FBXO47: variants seen among roughly 807,000 people sequenced by gnomAD.
FBXO47 encodes the protein F-box protein 47.
FBXO47 carries 34 observed loss-of-function variants against 53.9 expected under a neutral mutation model. The ratio of observed to expected loss-of-function variants is 0.63; its 90% CI spans 0.48 to 0.84. The LOEUF is 0.84. Ranked by LOEUF, FBXO47 falls within the 40% of genes least tolerant of loss-of-function variation. The pLI, the probability that FBXO47 is intolerant of heterozygous loss-of-function variation, is 0.00. For synonymous variants in FBXO47, 165 were observed against 181.6 expected, an observed-to-expected ratio of 0.91 and a Z score of 0.73; for missense variants, 485 against 541.3, an observed-to-expected ratio of 0.90 and a Z score of 1.03.
intron 3 of FBXO47, among the ~76,000 whole-genome samples, chr17:38,959,507 G>A (rs1392924143): frequency 1.3e-5 from 2 of 148,580 alleles, no homozygotes; most frequent in Non-Finnish European, 3.0e-5. Flanking sequence ...TTGAACCCAG[G>A]AGGCAGAGGT....
At chr17:38,946,383 T>C (rs1239822053) in intron 6 of FBXO47, among the ~76,000 whole-genome samples, 2 of 82,466 alleles carry the variant, frequency 2.4e-5, no homozygotes, top group African/African-American at 1.2e-4. Flanking sequence ...TATATATAAA[T>C]ATATATATCT....
At chr17:38,962,784 T>C (rs1400439509) in intron 2 of FBXO47, 61 bp downstream of exon 2, 17 of 1,232,686 alleles carry the variant, frequency 1.4e-5, no homozygotes, top group Admixed American at 4.7e-5. Flanking sequence ...AACTAGTTCT[T>C]GGGAAAAATT....
intron 3 of FBXO47, 102 bp downstream of exon 3, chr17:38,961,775 G>T: frequency 1.0e-6 from 1 of 977,108 alleles, no homozygotes. Context: ...GGCATATTTT[G>T]GAATATATTC....
At chr17:38,941,069 T>C (rs1036041108) in intron 9 of FBXO47, among the ~76,000 whole-genome samples, 1 of 151,854 alleles carries the variant, frequency 6.6e-6, no homozygotes, top group Non-Finnish European at 1.5e-5. Context: ...ACCACAGCCT[T>C]GACCACCCAG....
chr17:38,961,898 G>A lies in FBXO47; in HGVS notation c.331C>T (p.Leu111=). 2 of 1,613,932 alleles carry A rather than the reference G, an allele frequency of 1.2e-6. No homozygotes were observed. Among genetic ancestry groups the A allele is most frequent in the Non-Finnish European group, 1.7e-6 (2 of 1,179,936 alleles). The change falls in exon 3 of 11, where the codon CTG becomes TTG. Residue 111 remains leucine, a synonymous_variant. Coordinates refer to ENST00000378079, the MANE Select transcript of FBXO47 (RefSeq NM_001008777.3). ...LPDRRQDSAI[L]EHYRSLGLLF... ...TTACCTAGAGATCTGTAGTGCTCCAGTATAGCAGAGTCTTGTCTCCTGTCA... is the reference window on the plus strand; with the variant it reads ...TTACCTAGAGATCTGTAGTGCTCCAATATAGCAGAGTCTTGTCTCCTGTCA...
At chr17:38,962,263 T>C (rs1449920381) in intron 2 of FBXO47, among the ~76,000 whole-genome samples, 1 of 152,190 alleles carries the variant, frequency 6.6e-6, no homozygotes, top group Non-Finnish European at 1.5e-5. Context: ...TACTATATCA[T>C]AATTACAGGC....
chr17:38,940,178 C>T (rs977299983), intron 9 of FBXO47, among the ~76,000 whole-genome samples: 2 of 151,872 alleles, frequency 1.3e-5, no homozygotes, highest in Non-Finnish European at 2.9e-5. Flanking sequence ...AGCTTGCAGT[C>T]TATTTTGGGA....
chr17:38,945,177 G>A, intron 6 of FBXO47, 41 bp from the exon 7 acceptor site: 1 of 1,468,276 alleles, frequency 6.8e-7, no homozygotes, highest in Admixed American at 1.7e-5. Context: ...TTCGTAGAAA[G>A]GCTGCTGTGC....
intron 5 of FBXO47, among the ~76,000 whole-genome samples, chr17:38,953,113 C>T (rs899950358): frequency 8.0e-6 from 1 of 125,746 alleles, no homozygotes; most frequent in African/African-American, 3.1e-5. Flanking sequence ...CCTGTCTCTA[C>T]TAAAAAAAAA....
chr17:38,945,871 G>C (rs1480031314), intron 6 of FBXO47, among the ~76,000 whole-genome samples: 1 of 147,024 alleles, frequency 6.8e-6, no homozygotes, highest in Non-Finnish European at 1.5e-5. Flanking sequence ...GGGAGGTGGA[G>C]CTTGTAGTGA....
intron 6 of FBXO47, among the ~76,000 whole-genome samples, chr17:38,946,870 A>G (rs1904929346): frequency 8.5e-6 from 1 of 116,984 alleles, no homozygotes; most frequent in Non-Finnish European, 1.6e-5. Context: ...ATAAATATAT[A>G]AACATATATA....
rs1567716472 is a variant in FBXO47, at chr17:38,946,295, A to AATATATATAAATATAT, written c.617-1160_617-1159insATATATTTATATATAT. Among the ~76,000 whole-genome samples, 319 of 76,660 alleles carry AATATATATAAATATAT rather than the reference A, an allele frequency of 4.2e-3. 5 individuals carry two copies. Among genetic ancestry groups the AATATATATAAATATAT allele is most frequent in the African/African-American group, 0.018 (305 of 16,804 alleles). The allele number at this position is 76,660 out of a possible 152,430, so 50.3% of individuals were successfully genotyped here. On this transcript the variant is annotated intron_variant, in intron 6 of 10. Transcript: ENST00000378079. ...ATATAAAAATATATATAAATATATA[A>AATATATATAAATATAT]AAATATATATAAATATATAAATATA...
rs145872520 is a variant in FBXO47 at position 38,954,663 on chromosome 17, A to G, written c.507+193T>C. On this transcript the variant is annotated intron_variant, in intron 5 of 10. Transcript: ENST00000378079. The stretch of plus-strand genomic sequence containing the variant: ...GATAAATAAATGTCAAACATTTTTT[A>G]CCACTGAGAAACTCAAAACAAAAAT... Among the ~76,000 whole-genome samples the G allele has an allele frequency of 2.0e-4, 30 of 152,308 alleles. No individual in the cohort carries two copies. The East Asian group carries it at 2.9e-3, about 15-fold the overall frequency.
At chr17:38,947,283 G>C (rs1446900159) in intron 6 of FBXO47, among the ~76,000 whole-genome samples, 4 of 151,434 alleles carry the variant, frequency 2.6e-5, no homozygotes. Flanking sequence ...CTGGGTGACA[G>C]AGCTAGACTT....
At chr17:38,939,323 A>AAAAAAATAT (rs1555559726) in intron 9 of FBXO47, among the ~76,000 whole-genome samples, 5 of 50,170 alleles carry the variant, frequency 1.0e-4, no homozygotes, top group African/African-American at 3.0e-4. Flanking sequence ...AAAAAAAAAA[A>AAAAAAATAT]ATATATATAT....
At chr17:38,950,714 G>T (rs562068799) in intron 6 of FBXO47, among the ~76,000 whole-genome samples, 1 of 152,166 alleles carries the variant, frequency 6.6e-6, no homozygotes, top group South Asian at 2.1e-4. Context: ...CTGGTATATA[G>T]AGAGGTTTAC....
rs896059642 is a variant in FBXO47 at position 38,936,685 on chromosome 17, A to C, written c.*490T>G. On this transcript the variant is annotated 3_prime_UTR_variant, in exon 11 of 11. Coordinates refer to ENST00000378079, the MANE Select transcript of FBXO47 (RefSeq NM_001008777.3). ...AAAATATAATGTTCTTTGTAAGCATATGCCAAGAAGGTAGTAAAAACTGTG... is the reference window on the plus strand; with the variant it reads ...AAAATATAATGTTCTTTGTAAGCATCTGCCAAGAAGGTAGTAAAAACTGTG... 1 of 152,332 alleles carries C rather than the reference A, an allele frequency of 6.6e-6. No individual in the cohort carries two copies. Among genetic ancestry groups the C allele is most frequent in the African/African-American group, 2.4e-5 (1 of 41,442 alleles). The allele number at this position is 152,332 out of a possible 1,614,324, so 9.4% of individuals were successfully genotyped here. A position where few individuals can be genotyped will look rare whatever the true frequency, so the allele number is the denominator to read the frequency against.
Position 38,954,113 on chromosome 17 carries a change from T to C in FBXO47, c.507+743A>G, listed in dbSNP as rs575057141. Among the ~76,000 whole-genome samples the C allele has an allele frequency of 1.2e-4, 19 of 152,182 alleles. No homozygotes were observed. The South Asian group carries it at 3.1e-3, about 25-fold the overall frequency. ...TTCGAGACCAGCCTGACCAACATGGTGAAACCCTGTCTCTACTAAAAATAC... is the reference window on the plus strand; with the variant it reads ...TTCGAGACCAGCCTGACCAACATGGCGAAACCCTGTCTCTACTAAAAATAC... On this transcript the variant is annotated intron_variant, in intron 5 of 10. Coordinates refer to ENST00000378079, the MANE Select transcript of FBXO47 (RefSeq NM_001008777.3).
intron 9 of FBXO47, among the ~76,000 whole-genome samples, chr17:38,939,323 A>AATATATATATATATAT (rs1555559725): frequency 9.6e-4 from 48 of 50,168 alleles, no homozygotes; most frequent in East Asian, 3.3e-3. Context: ...AAAAAAAAAA[A>AATATATATATATATAT]ATATATATAT....
Sources: allele counts gnomAD v4.1 joint callset (sites outside exome capture counted in the v4.1 genomes callset), GRCh38; gene constraint gnomAD v4.1.1; transcripts MANE v1.5; gene names NCBI Gene and HGNC (gene_info 2026-07-23, HGNC 2026-07-21).